Variants in SCAPER observed in about 807,000 individuals in gnomAD.
SCAPER encodes the protein S-phase cyclin A associated protein in the ER.
SCAPER carries 98 observed loss-of-function variants against 182.2 expected under a neutral mutation model. The observed-to-expected ratio is 0.54, with a 90% CI of 0.46 to 0.64. The LOEUF (loss-of-function observed/expected upper bound fraction) is 0.64. Ranked by LOEUF, SCAPER falls within the 30% of genes least tolerant of loss-of-function variation. The probability of loss-of-function intolerance (pLI) is 0.00; values close to 1 mark genes in which losing one functional copy is unlikely to be tolerated. For synonymous variants in SCAPER, 605 were observed against 564.6 expected (o/e 1.07, Z -1.01); for missense variants, 1,432 against 1,690.0 (o/e 0.85, Z 2.68).
At chr15:76,419,793 G>A (rs781591164) in intron 26 of SCAPER, among the ~76,000 whole-genome samples, 1 of 152,106 alleles carries the variant, frequency 6.6e-6, no homozygotes, top group African/African-American at 2.4e-5. Flanking sequence ...TATTTTATGA[G>A]GCCAGCATTT....
intron 23 of SCAPER, among the ~76,000 whole-genome samples, chr15:76,548,073 A>G (rs1033808879): frequency 1.5e-4 from 22 of 151,412 alleles, no homozygotes; most frequent in African/African-American, 5.3e-4. Flanking sequence ...ACAGAATTTT[A>G]TAATTTTATT....
At chr15:76,676,609 A>C (rs1358941515) in intron 20 of SCAPER, among the ~76,000 whole-genome samples, 1 of 152,102 alleles carries the variant, frequency 6.6e-6, no homozygotes, top group Non-Finnish European at 1.5e-5. Context: ...TTTACAACAA[A>C]ATATCAGCAG....
chr15:76,669,521 C>T (rs2056864903), intron 20 of SCAPER, among the ~76,000 whole-genome samples: 2 of 152,162 alleles, frequency 1.3e-5, no homozygotes, highest in African/African-American at 2.4e-5. Flanking sequence ...TCCATACTAC[C>T]ATTTATTGAA....
At chr15:76,560,881 G>A (rs1404137148) in intron 23 of SCAPER, among the ~76,000 whole-genome samples, 1 of 152,058 alleles carries the variant, frequency 6.6e-6, no homozygotes, top group Non-Finnish European at 1.5e-5. Flanking sequence ...AGAAAATAAT[G>A]TATTATATTA....
intron 5 of SCAPER, among the ~76,000 whole-genome samples, chr15:76,809,364 G>T (rs2066421827): frequency 6.6e-6 from 1 of 152,182 alleles, no homozygotes; most frequent in African/African-American, 2.4e-5. Flanking sequence ...GCCAAGGTCA[G>T]AAGGAGTAAT....
At chr15:76,387,017 T>A (rs1280684464) in intron 27 of SCAPER, among the ~76,000 whole-genome samples, 1 of 152,196 alleles carries the variant, frequency 6.6e-6, no homozygotes, top group Non-Finnish European at 1.5e-5. Flanking sequence ...GCTGCTTTAA[T>A]CATCCAAGTG....
At chr15:76,515,423 T>C (rs1041987990) in intron 23 of SCAPER, among the ~76,000 whole-genome samples, 15 of 152,220 alleles carry the variant, frequency 9.9e-5, no homozygotes, top group Admixed American at 1.3e-4. Flanking sequence ...GTTCCTTTTT[T>C]CTTTGCCCCT....
intron 20 of SCAPER, among the ~76,000 whole-genome samples, chr15:76,672,818 C>T (rs2057116875): frequency 6.6e-6 from 1 of 152,084 alleles, no homozygotes; most frequent in African/African-American, 2.4e-5. Context: ...AGAATCGCTT[C>T]TCAGCCTTTT....
intron 23 of SCAPER, among the ~76,000 whole-genome samples, chr15:76,533,880 T>C (rs1310770727): frequency 6.6e-6 from 1 of 152,196 alleles, no homozygotes; most frequent in Admixed American, 6.5e-5. Flanking sequence ...TTCTACAATG[T>C]GAGTTTCCAC....
intron 8 of SCAPER, among the ~76,000 whole-genome samples, chr15:76,793,818 A>T: frequency 6.6e-6 from 1 of 152,246 alleles, no homozygotes; most frequent in Non-Finnish European, 1.5e-5. Flanking sequence ...CAGGTAAAAT[A>T]ACCTGAGGCT....
chr15:76,665,915 G>A, intron 20 of SCAPER, 126 bp from the exon 21 acceptor site: 1 of 791,574 alleles, frequency 1.3e-6, no homozygotes, highest in Non-Finnish European at 1.8e-6. Flanking sequence ...TAATACACTG[G>A]TTTCTACAAT....
chr15:76,418,098 C>T (rs986158564), intron 26 of SCAPER, among the ~76,000 whole-genome samples: 24 of 152,096 alleles, frequency 1.6e-4, no homozygotes, highest in Non-Finnish European at 3.1e-4. Flanking sequence ...TGGTGGTTGT[C>T]CCCCTCCACC....
rs71447127 is a variant in SCAPER at position 76,896,957 on chromosome 15, A to AT, written c.-60+8341dup. Among the ~76,000 whole-genome samples the AT allele has an allele frequency of 1.1e-3, 170 of 149,768 alleles. 1 individual carries two copies. Among genetic ancestry groups the AT allele is most frequent in the African/African-American group, 3.0e-3 (122 of 40,902 alleles). On this transcript the variant is annotated intron_variant, in intron 1 of 31. Coordinates refer to ENST00000563290, the MANE Select transcript of SCAPER (RefSeq NM_020843.4). ...TGAGACCTCATCTCTAAAAATATTA[A>AT]TTTTTTTTTTTAAAAAGAGTAAGTT... is the stretch of plus-strand genomic sequence containing the variant.
intron 17 of SCAPER, among the ~76,000 whole-genome samples, chr15:76,712,323 C>T (rs1259746811): frequency 6.6e-6 from 1 of 152,120 alleles, no homozygotes; most frequent in East Asian, 1.9e-4. Context: ...CAGTACCATG[C>T]TGTTTTGGTT....
intron 22 of SCAPER, among the ~76,000 whole-genome samples, chr15:76,611,943 T>G (rs966096605): frequency 6.6e-6 from 1 of 152,076 alleles, no homozygotes; most frequent in African/African-American, 2.4e-5. Flanking sequence ...GGAATATACC[T>G]CAAAATAATA....
At chr15:76,386,237 A>T in intron 27 of SCAPER, among the ~76,000 whole-genome samples, 1 of 152,224 alleles carries the variant, frequency 6.6e-6, no homozygotes, top group Non-Finnish European at 1.5e-5. Context: ...TCCTTAACTT[A>T]ATTGTATCTG....
intron 5 of SCAPER, among the ~76,000 whole-genome samples, chr15:76,814,787 C>T (rs2066932815): frequency 6.6e-6 from 1 of 151,916 alleles, no homozygotes; most frequent in Non-Finnish European, 1.5e-5. Flanking sequence ...TAAAAACTTT[C>T]CTACAAATAA....
At chr15:76,501,574 G>C (rs2041122332) in intron 24 of SCAPER, among the ~76,000 whole-genome samples, 1 of 152,214 alleles carries the variant, frequency 6.6e-6, no homozygotes, top group Non-Finnish European at 1.5e-5. Flanking sequence ...GGTTTCAACA[G>C]GGTAACTGTT....
At chr15:76,816,755 C>T (rs2067116604) in intron 5 of SCAPER, among the ~76,000 whole-genome samples, 1 of 151,820 alleles carries the variant, frequency 6.6e-6, no homozygotes, top group African/African-American at 2.4e-5. Flanking sequence ...CAGGTTCACA[C>T]CAGTCTCCTG....
Sources: gnomAD v4.1 joint callset for allele counts (sites outside exome capture counted in the v4.1 genomes callset) on GRCh38, gnomAD v4.1.1 for gene constraint, MANE v1.5 for transcripts, NCBI Gene and HGNC (gene_info 2026-07-23, HGNC 2026-07-21) for gene names.